The following THSD7B variants were observed in gnomAD, a reference collection of about 807,000 sequenced individuals.
THSD7B encodes the protein thrombospondin type-1 domain-containing protein 7B.
A neutral mutation model predicts 213.6 loss-of-function variants in THSD7B; 138 were observed. The ratio of observed to expected loss-of-function variants is 0.65; its 90% CI spans 0.56 to 0.74. The LOEUF (loss-of-function observed/expected upper bound fraction) is 0.74. Ranked by LOEUF, THSD7B falls within the 30% of genes least tolerant of loss-of-function variation. The pLI, the probability that THSD7B is intolerant of heterozygous loss-of-function variation, is 0.00. For missense variants in THSD7B, 1,931 were observed against 1,991.5 expected, an observed-to-expected ratio of 0.97 and a Z score of 0.58; for synonymous variants, 742 against 687.0, an observed-to-expected ratio of 1.08 and a Z score of -1.25.
chr2:136,873,207 G>A (rs900286547), intron 1 of THSD7B, among the ~76,000 whole-genome samples: 1 of 152,034 alleles, frequency 6.6e-6, no homozygotes, highest in Non-Finnish European at 1.5e-5. Flanking sequence ...GACTTTTTGC[G>A]AAATTTTCTG....
intron 2 of THSD7B, among the ~76,000 whole-genome samples, chr2:136,892,540 G>A (rs924303726): frequency 6.7e-6 from 1 of 149,910 alleles, no homozygotes; most frequent in Admixed American, 6.6e-5. Flanking sequence ...GGTCTCGGTG[G>A]AGATGGCTCA....
intron 10 of THSD7B, among the ~76,000 whole-genome samples, chr2:137,261,976 G>A (rs192548971): frequency 6.7e-6 from 1 of 150,356 alleles, no homozygotes; most frequent in Non-Finnish European, 1.5e-5. Flanking sequence ...GTGATGGGCA[G>A]AACATGGCAA....
At chr2:137,468,171 G>A (rs1298303513) in intron 15 of THSD7B, among the ~76,000 whole-genome samples, 1 of 152,122 alleles carries the variant, frequency 6.6e-6, no homozygotes, top group Non-Finnish European at 1.5e-5. Flanking sequence ...AAGTAGAGCT[G>A]CATATTATTT....
At chr2:137,313,577 A>C (rs1175358287) in intron 12 of THSD7B, among the ~76,000 whole-genome samples, 1 of 150,830 alleles carries the variant, frequency 6.6e-6, no homozygotes, top group Admixed American at 6.6e-5. Flanking sequence ...TTTGCTCATT[A>C]GTTGATGCAG....
At chr2:136,922,286 A>C (rs887074027) in intron 2 of THSD7B, among the ~76,000 whole-genome samples, 5 of 152,164 alleles carry the variant, frequency 3.3e-5, no homozygotes, top group Admixed American at 2.6e-4. Flanking sequence ...ATAATTATAT[A>C]TTACAATTTG....
intron 1 of THSD7B, among the ~76,000 whole-genome samples, chr2:136,775,747 G>A (rs901120697): frequency 2.6e-5 from 4 of 152,064 alleles, no homozygotes; most frequent in African/African-American, 7.2e-5. Flanking sequence ...AATTAGAAAT[G>A]CTATATAAGC....
At chr2:137,564,131 G>A (rs752535074) in intron 16 of THSD7B, among the ~76,000 whole-genome samples, 11 of 152,182 alleles carry the variant, frequency 7.2e-5, no homozygotes, top group Non-Finnish European at 1.3e-4. Context: ...TATTGCACAT[G>A]CATAGTGTAT....
At chr2:136,995,415 C>T (rs1026744440) in intron 2 of THSD7B, among the ~76,000 whole-genome samples, 2 of 152,136 alleles carry the variant, frequency 1.3e-5, no homozygotes, top group African/African-American at 4.8e-5. Context: ...CTTGCTTCTC[C>T]AAGATCAAGC....
intron 14 of THSD7B, among the ~76,000 whole-genome samples, chr2:137,415,235 T>G (rs1686766315): frequency 6.6e-6 from 1 of 152,088 alleles, no homozygotes; most frequent in Non-Finnish European, 1.5e-5. Flanking sequence ...GGAGACTTCT[T>G]CATGAGGATA....
At position 137,226,065 on chromosome 2, in the gene THSD7B, T is replaced by A. The variant is rs574380001; in HGVS notation, c.1724-4979T>A. 1.9e-4 allele frequency among the ~76,000 whole-genome samples: 29 copies of A among 152,018 alleles called. 1 individual carries two copies. The highest frequency in any genetic ancestry group is 3.4e-3 in the Middle Eastern group (1 of 294). ...GAGTTCCACTAAATTTGCTACTTAC[T>A]CTGTTGATATCTTACTCAGCTGTGG... On this transcript the variant is annotated intron_variant, in intron 7 of 27. Transcript: ENST00000409968.
rs536716109 is a variant in THSD7B at position 137,434,937 on chromosome 2, C to T, written c.2960-15908C>T. 2.6e-5 allele frequency among the ~76,000 whole-genome samples: 4 copies of T among 152,284 alleles called. No individual in the cohort carries two copies. In the South Asian group the frequency reaches 6.2e-4, roughly 24 times the overall value. Reference sequence around the variant, plus strand: ...GTACTTAATCGTTTGCCAAGAGGCTCATTATAGTTCATTGCCTAAAAAACT... The same window carrying T: ...GTACTTAATCGTTTGCCAAGAGGCTTATTATAGTTCATTGCCTAAAAAACT... On this transcript the variant is annotated intron_variant, in intron 14 of 27. Transcript: ENST00000409968.
intron 2 of THSD7B, among the ~76,000 whole-genome samples, chr2:136,908,916 A>G (rs1291594482): frequency 6.6e-6 from 1 of 152,056 alleles, no homozygotes; most frequent in Non-Finnish European, 1.5e-5. Flanking sequence ...CGCGGTGGCT[A>G]ACACCTGTAA....
intron 2 of THSD7B, among the ~76,000 whole-genome samples, chr2:136,996,520 T>A (rs922361974): frequency 9.9e-5 from 15 of 151,772 alleles, no homozygotes; most frequent in African/African-American, 3.6e-4. Flanking sequence ...TAAAAAAAAA[T>A]TATTTGTAGA....
chr2:137,587,321 C>T (rs1011065168), intron 17 of THSD7B, among the ~76,000 whole-genome samples: 1 of 152,178 alleles, frequency 6.6e-6, no homozygotes, highest in Admixed American at 6.5e-5. Context: ...TGTCTGAAGC[C>T]TTCTTCTGTC....
At chr2:136,890,543 T>TCTTC (rs1159580819) in intron 2 of THSD7B, among the ~76,000 whole-genome samples, 3 of 100,852 alleles carry the variant, frequency 3.0e-5, no homozygotes, top group African/African-American at 1.2e-4. Flanking sequence ...TTCTTCTTCT[T>TCTTC]TTTTTTTTTT....
At chr2:137,238,534 C>CT (rs869146863) in intron 9 of THSD7B, among the ~76,000 whole-genome samples, 788 of 51,836 alleles carry the variant, frequency 0.015, 205 homozygotes, top group African/African-American at 0.05. Flanking sequence ...ACTCATCTTT[C>CT]TTTTTTTTTT....
At chr2:137,303,175 C>G (rs532037675) in intron 12 of THSD7B, among the ~76,000 whole-genome samples, 1 of 152,120 alleles carries the variant, frequency 6.6e-6, no homozygotes, top group Admixed American at 6.5e-5. Flanking sequence ...TGCCCACTGC[C>G]GCACATGGCT....
intron 15 of THSD7B, among the ~76,000 whole-genome samples, chr2:137,525,259 G>A (rs1287404125): frequency 6.6e-6 from 1 of 152,114 alleles, no homozygotes; most frequent in Non-Finnish European, 1.5e-5. Context: ...ACAATTTCTA[G>A]CTGTCTCTTT....
intron 5 of THSD7B, among the ~76,000 whole-genome samples, chr2:137,147,199 T>C (rs910057574): frequency 6.6e-6 from 1 of 152,166 alleles, no homozygotes; most frequent in Non-Finnish European, 1.5e-5. Context: ...GTAGGACTTG[T>C]AATACATGAA....
Sources: gnomAD v4.1 joint callset for allele counts (sites outside exome capture counted in the v4.1 genomes callset) on GRCh38, gnomAD v4.1.1 for gene constraint, MANE v1.5 for transcripts, NCBI Gene and HGNC (gene_info 2026-07-23, HGNC 2026-07-21) for gene names.